CYP19A1: variants seen among roughly 807,000 people sequenced by gnomAD.
The protein encoded by CYP19A1 is cytochrome P450 family 19 subfamily A member 1, also known as aromatase.
CYP19A1 carries 32 observed loss-of-function variants against 44.4 expected under a neutral mutation model. The observed-to-expected ratio is 0.72, with a 90% CI of 0.54 to 0.97. The LOEUF is 0.97. Among genes scored for constraint, CYP19A1 ranks in the 50% least tolerant of loss-of-function variants. CYP19A1 has a pLI of 0.00. For synonymous variants in CYP19A1, 212 were observed against 215.6 expected, an observed-to-expected ratio of 0.98 and a Z score of 0.14; for missense variants, 598 against 637.8, an observed-to-expected ratio of 0.94 and a Z score of 0.67.
At chr15:51,253,918 T>C (rs1302714862) in intron 1 of CYP19A1, among the ~76,000 whole-genome samples, 1 of 152,148 alleles carries the variant, frequency 6.6e-6, no homozygotes, top group African/African-American at 2.4e-5. Context: ...GAGATTTTGA[T>C]GGCAAGTAGA....
intron 1 of CYP19A1, among the ~76,000 whole-genome samples, chr15:51,302,300 G>C (rs2036131109): frequency 6.6e-6 from 1 of 152,204 alleles, no homozygotes; most frequent in Non-Finnish European, 1.5e-5. Context: ...CTCCTGTGAA[G>C]GAGCATTATT....
At chr15:51,255,172 T>A (rs1334612330) in intron 1 of CYP19A1, among the ~76,000 whole-genome samples, 1 of 152,118 alleles carries the variant, frequency 6.6e-6, no homozygotes, top group African/African-American at 2.4e-5. Flanking sequence ...AGGGAGGCAA[T>A]GTTCTTACCC....
At chr15:51,282,734 C>G (rs182812715) in intron 1 of CYP19A1, among the ~76,000 whole-genome samples, 1 of 152,354 alleles carries the variant, frequency 6.6e-6, no homozygotes, top group Non-Finnish European at 1.5e-5. Flanking sequence ...GGTGAAGGAA[C>G]ACTAGAGCAT....
chr15:51,244,860 C>T (rs1371022934), intron 1 of CYP19A1, among the ~76,000 whole-genome samples: 1 of 152,134 alleles, frequency 6.6e-6, no homozygotes, highest in Admixed American at 6.5e-5. Flanking sequence ...AATTCACTGG[C>T]ATAGAAAAGA....
At chr15:51,303,218 A>C (rs750821774) in intron 1 of CYP19A1, among the ~76,000 whole-genome samples, 7 of 152,150 alleles carry the variant, frequency 4.6e-5, no homozygotes, top group Non-Finnish European at 7.3e-5. Context: ...AGTGAGGTTG[A>C]GAATCTTCAC....
At chr15:51,324,785 C>A (rs1028376164) in intron 1 of CYP19A1, among the ~76,000 whole-genome samples, 1 of 152,158 alleles carries the variant, frequency 6.6e-6, no homozygotes, top group African/African-American at 2.4e-5. Flanking sequence ...GTCCACTGAT[C>A]TAGAATTTTT....
Position 51,268,700 on chromosome 15 carries a change from C to T in CYP19A1, c.-38-25750G>A, listed in dbSNP as rs560115479. Among the ~76,000 whole-genome samples, 435 of 152,266 alleles carry T rather than the reference C, an allele frequency of 2.9e-3. 4 individuals carry two copies. The highest frequency in any genetic ancestry group is 0.01 in the African/African-American group (425 of 41,542). On this transcript the variant is annotated intron_variant, in intron 1 of 9. Transcript: ENST00000396402. ...TTATCTTCCGAGGTTCCACTGCATT[C>T]CCATCAGCAGTATATGAGAGTTACA...
chr15:51,287,139 T>A (rs1158304912), intron 1 of CYP19A1, among the ~76,000 whole-genome samples: 2 of 152,184 alleles, frequency 1.3e-5, no homozygotes, highest in Non-Finnish European at 2.9e-5. Flanking sequence ...AAAAATCTAA[T>A]CTAAAAATAG....
chr15:51,286,317 C>T (rs947568075), intron 1 of CYP19A1, among the ~76,000 whole-genome samples: 2 of 152,216 alleles, frequency 1.3e-5, no homozygotes, highest in African/African-American at 4.8e-5. Context: ...TACCTCTCCA[C>T]ACATCATAGC....
At chr15:51,286,879 A>C (rs2035715331) in intron 1 of CYP19A1, among the ~76,000 whole-genome samples, 1 of 152,174 alleles carries the variant, frequency 6.6e-6, no homozygotes, top group East Asian at 1.9e-4. Flanking sequence ...ATCTTGAGAG[A>C]AGTGAGCCAC....
At chr15:51,304,891 T>TTTTTTTTTTTTG (rs2036184178) in intron 1 of CYP19A1, among the ~76,000 whole-genome samples, 1 of 108,344 alleles carries the variant, frequency 9.2e-6, no homozygotes, top group Admixed American at 8.5e-5. Flanking sequence ...TGTCTCTTCC[T>TTTTTTTTTTTTG]TTTTTTTTTT....
chr15:51,258,904 C>T (rs952974585), intron 1 of CYP19A1, among the ~76,000 whole-genome samples: 1 of 152,132 alleles, frequency 6.6e-6, no homozygotes, highest in Non-Finnish European at 1.5e-5. Context: ...CCAAAGTTGA[C>T]CAAAGTGAAT....
chr15:51,260,089 AC>A (rs2034657354), intron 1 of CYP19A1, among the ~76,000 whole-genome samples: 1 of 152,266 alleles, frequency 6.6e-6, no homozygotes, highest in African/African-American at 2.4e-5. Context: ...GTGAAGGGCA[AC>A]AGGAATCAGC....
chr15:51,280,703 C>G (rs1566909760), intron 1 of CYP19A1, among the ~76,000 whole-genome samples: 1 of 152,122 alleles, frequency 6.6e-6, no homozygotes, highest in Non-Finnish European at 1.5e-5. Flanking sequence ...AGGCTTGGAC[C>G]CATGAGGGCT....
chr15:51,302,709 G>A (rs2036139856), intron 1 of CYP19A1, among the ~76,000 whole-genome samples: 1 of 152,186 alleles, frequency 6.6e-6, no homozygotes, highest in Non-Finnish European at 1.5e-5. Context: ...AAAGTCCCCT[G>A]CCATCTTTCG....
rs141082852 is a variant in CYP19A1 at position 51,299,506 on chromosome 15, C to T, written c.-39+38989G>A. Reference sequence around the variant, plus strand: ...TTTCCAGCGTGGCCTTTGGTCAGGACAGCTGGAGAATGGAAAAGATGGGCC... The same window carrying T: ...TTTCCAGCGTGGCCTTTGGTCAGGATAGCTGGAGAATGGAAAAGATGGGCC... On this transcript the variant is annotated intron_variant, in intron 1 of 9. Coordinates refer to ENST00000396402, the MANE Select transcript of CYP19A1 (RefSeq NM_000103.4). Among the ~76,000 whole-genome samples the T allele has an allele frequency of 2.5e-4, 38 of 152,328 alleles. 2 individuals carry two copies. The East Asian group carries it at 7.1e-3, about 29-fold the overall frequency.
In CYP19A1 at chr15:51,210,459, G is replaced by T. The variant is rs1193179736; in HGVS notation, c.*349C>A. The T allele has an allele frequency of 1.3e-5, 7 of 528,414 alleles. No homozygotes were observed. The highest frequency in any genetic ancestry group is 2.6e-5 in the Non-Finnish European group (7 of 273,118). 32.7% of individuals were successfully genotyped at this position (528,414 alleles called of 1,614,324 possible). A position where few individuals can be genotyped will look rare whatever the true frequency, so the allele number is the denominator to read the frequency against. ...AGACATAAAAATCCCCTTGGGTTGAGGCAGTAGAGCTCTACTGGGGAACCA... is the reference window on the plus strand; with the variant it reads ...AGACATAAAAATCCCCTTGGGTTGATGCAGTAGAGCTCTACTGGGGAACCA... On this transcript the variant is annotated 3_prime_UTR_variant, in exon 10 of 10. Transcript: ENST00000396402.
intron 1 of CYP19A1, among the ~76,000 whole-genome samples, chr15:51,329,392 C>T (rs967535213): frequency 1.3e-5 from 2 of 152,142 alleles, no homozygotes; most frequent in Non-Finnish European, 2.9e-5. Context: ...CTGACTGCCC[C>T]CAGGATTTCC....
intron 1 of CYP19A1, among the ~76,000 whole-genome samples, chr15:51,287,841 G>A (rs967135820): frequency 5.3e-5 from 8 of 152,202 alleles, no homozygotes; most frequent in Admixed American, 3.9e-4. Context: ...TAAAGTCTAT[G>A]TGCATCTTAC....
Sources: gnomAD v4.1 joint callset for allele counts (sites outside exome capture counted in the v4.1 genomes callset) on GRCh38, gnomAD v4.1.1 for gene constraint, MANE v1.5 for transcripts, NCBI Gene and HGNC (gene_info 2026-07-23, HGNC 2026-07-21) for gene names.